The following MBLAC2 variants were observed in gnomAD, a reference collection of about 807,000 sequenced individuals.
MBLAC2 encodes acyl-coenzyme A thioesterase MBLAC2.
MBLAC2 carries 24 observed loss-of-function variants against 23.3 expected under a neutral mutation model. The observed-to-expected ratio is 1.03, with a 90% CI of 0.75 to 1.45. The LOEUF (loss-of-function observed/expected upper bound fraction) is 1.45. Ranked by LOEUF, MBLAC2 falls within the 40% of genes most tolerant of loss-of-function variation. The pLI, the probability that MBLAC2 is intolerant of heterozygous loss-of-function variation, is 0.00. For missense variants in MBLAC2, 358 were observed against 370.0 expected (o/e 0.97, Z 0.27); for synonymous variants, 162 against 150.9 (o/e 1.07, Z -0.54).
At chr5:90,461,808 A>C (rs1750373689) in intron 1 of MBLAC2, among the ~76,000 whole-genome samples, 1 of 152,216 alleles carries the variant, frequency 6.6e-6, no homozygotes, top group South Asian at 2.1e-4. Flanking sequence ...AATGAAAAGG[A>C]GGTAGTTCTG....
chr5:90,461,614 A>G, intron 1 of MBLAC2, 62 bp from the exon 2 acceptor site: 11 of 1,439,946 alleles, frequency 7.6e-6, no homozygotes, highest in Non-Finnish European at 1.0e-5. Context: ...CATGTAAAGC[A>G]TACTAGAGCA....
chr5:90,473,502 G>A (rs1750606347), intron 1 of MBLAC2: 12 of 585,992 alleles, frequency 2.0e-5, no homozygotes, highest in Middle Eastern at 4.4e-4. Context: ...AGGTGCTTAG[G>A]GAAAGAATGA....
intron 1 of MBLAC2, among the ~76,000 whole-genome samples, chr5:90,464,549 C>T (rs1750419183): frequency 6.6e-6 from 1 of 152,084 alleles, no homozygotes; most frequent in African/African-American, 2.4e-5. Flanking sequence ...GGCGCCATTG[C>T]ACTCCGGCCT....
chr5:90,461,694 T>C, intron 1 of MBLAC2, 142 bp from the exon 2 acceptor site: 1 of 882,226 alleles, frequency 1.1e-6, no homozygotes, highest in Non-Finnish European at 1.7e-6. Context: ...TTAATGATGA[T>C]TTAAAAATAA....
chr5:90,474,359 A>C lies in MBLAC2; in HGVS notation c.-67T>G. 1 of 1,422,316 alleles carries C rather than the reference A, an allele frequency of 7.0e-7. No individual in the cohort carries two copies. Among genetic ancestry groups the C allele is most frequent in the Non-Finnish European group, 9.8e-7 (1 of 1,018,274 alleles). The allele number at this position is 1,422,316 out of a possible 1,614,324, so 88.1% of individuals were successfully genotyped here. A position where few individuals can be genotyped will look rare whatever the true frequency, so the allele number is the denominator to read the frequency against. On this transcript the variant is annotated 5_prime_UTR_variant, in exon 1 of 2. Transcript: ENST00000316610. ...CGAGTCTCCCACAGGCTGTCCACAC[A>C]CAGGGCACTGCGGCTGTGTGAAGCG...
intron 1 of MBLAC2, among the ~76,000 whole-genome samples, chr5:90,464,586 C>T (rs1270684744): frequency 6.6e-6 from 1 of 150,642 alleles, no homozygotes; most frequent in East Asian, 1.9e-4. Flanking sequence ...CTCTTTCAAA[C>T]AAAACAAAAA....
chr5:90,471,287 C>G (rs1480212664), intron 1 of MBLAC2, among the ~76,000 whole-genome samples: 1 of 152,148 alleles, frequency 6.6e-6, no homozygotes, highest in East Asian at 1.9e-4. Context: ...AACCACTCCT[C>G]TGAGATAATA....
chr5:90,470,274 A>C (rs1750523025), intron 1 of MBLAC2, among the ~76,000 whole-genome samples: 1 of 152,184 alleles, frequency 6.6e-6, no homozygotes, highest in Non-Finnish European at 1.5e-5. Context: ...AAAAGAAGTA[A>C]GTTCCAGTGT....
At chr5:90,471,768 C>T (rs1287080817) in intron 1 of MBLAC2, 2 of 152,200 alleles carry the variant, frequency 1.3e-5, no homozygotes, top group African/African-American at 4.8e-5. Flanking sequence ...ATGTTAACAG[C>T]AAGTTAGCAG....
In MBLAC2 at chr5:90,460,127, G is replaced by T. The variant is rs952771459; in HGVS notation, c.*1040C>A. On this transcript the variant is annotated 3_prime_UTR_variant, in exon 2 of 2. Transcript: ENST00000316610. ...TATTCAAGACAAAGAATACTGAACAGGAATAGGTGTTGTGAATCAGGATAC... is the reference window on the plus strand; with the variant it reads ...TATTCAAGACAAAGAATACTGAACATGAATAGGTGTTGTGAATCAGGATAC... The T allele has an allele frequency of 6.6e-6, 1 of 152,502 alleles. No individual in the cohort carries two copies. The highest frequency in any genetic ancestry group is 2.4e-5 in the African/African-American group (1 of 41,412). 9.4% of individuals were successfully genotyped at this position (152,502 alleles called of 1,614,324 possible).
chr5:90,467,756 G>T (rs559260311), intron 1 of MBLAC2, among the ~76,000 whole-genome samples: 1,704 of 142,348 alleles, frequency 0.012, 43 homozygotes, highest in African/African-American at 0.044. Context: ...GGGGGGGGCG[G>T]TTTGTTTGTT....
chr5:90,471,203 T>C (rs956434921), intron 1 of MBLAC2, among the ~76,000 whole-genome samples: 1 of 152,174 alleles, frequency 6.6e-6, no homozygotes, highest in Non-Finnish European at 1.5e-5. Flanking sequence ...GAGAGCCAAA[T>C]TAGATGTGTC....
In MBLAC2 at chr5:90,470,512, T is replaced by C. The variant is rs553652231; in HGVS notation, c.454+3327A>G. On this transcript the variant is annotated intron_variant, in intron 1 of 1. Coordinates refer to ENST00000316610, the MANE Select transcript of MBLAC2 (RefSeq NM_203406.2). The stretch of plus-strand genomic sequence containing the variant: ...AAAGAAGGGGGGACAAGAAGGCTGC[T>C]TGCAGCACATGCATGGGGCCTGGTG... Among the ~76,000 whole-genome samples, 7 of 152,144 alleles carry C rather than the reference T, an allele frequency of 4.6e-5. No individual in the cohort carries two copies. In the South Asian group the frequency reaches 1.0e-3, roughly 22 times the overall value.
intron 1 of MBLAC2, among the ~76,000 whole-genome samples, chr5:90,470,784 AC>A (rs1323644044): frequency 1.0e-4 from 15 of 149,954 alleles, no homozygotes; most frequent in African/African-American, 2.2e-4. Context: ...ACACACACAC[AC>A]GCTTTCTTTC....
chr5:90,467,052 G>A (rs1206515547), intron 1 of MBLAC2, among the ~76,000 whole-genome samples: 6 of 152,152 alleles, frequency 3.9e-5, no homozygotes, highest in South Asian at 2.1e-4. Flanking sequence ...CAGGAGAATC[G>A]CTTGAACTTG....
chr5:90,460,868 C>A lies in MBLAC2; in HGVS notation c.*299G>T. 4.3e-6 allele frequency: 1 copy of A among 233,902 alleles called. No homozygotes were observed. The highest frequency in any genetic ancestry group is 8.3e-6 in the Non-Finnish European group (1 of 120,514). The allele number at this position is 233,902 out of a possible 1,614,324, so 14.5% of individuals were successfully genotyped here. On this transcript the variant is annotated 3_prime_UTR_variant, in exon 2 of 2. Coordinates refer to ENST00000316610, the MANE Select transcript of MBLAC2 (RefSeq NM_203406.2). ...AAAACAAGAAAAACAGAGGCAAGGG[C>A]AGTTCTCTTGCCACAAAATCTCTCT...
intron 1 of MBLAC2, chr5:90,472,503 C>CA (rs780102712): frequency 6.6e-6 from 1 of 151,292 alleles, no homozygotes; most frequent in Non-Finnish European, 1.5e-5. Flanking sequence ...CAGAATCTTG[C>CA]AATTTTTTTT....
Position 90,465,204 on chromosome 5 carries a change from C to G in MBLAC2, c.455-3652G>C, listed in dbSNP as rs1003488444. ...CTATATTTCTATATGCTTCAAGTAA[C>G]TATCAAAAATGAATTTTAAGACATT... is the stretch of plus-strand genomic sequence containing the variant. On this transcript the variant is annotated intron_variant, in intron 1 of 1. Coordinates refer to ENST00000316610, the MANE Select transcript of MBLAC2 (RefSeq NM_203406.2). Among the ~76,000 whole-genome samples the G allele has an allele frequency of 2.0e-5, 3 of 152,222 alleles. No homozygotes were observed. The East Asian group carries it at 5.8e-4, about 29-fold the overall frequency.
At chr5:90,463,892 T>C (rs2151891497) in intron 1 of MBLAC2, among the ~76,000 whole-genome samples, 1 of 152,062 alleles carries the variant, frequency 6.6e-6, no homozygotes, top group East Asian at 1.9e-4. Flanking sequence ...AAAATAGGAA[T>C]TAAAGAAGGA....
Sources: allele counts gnomAD v4.1 joint callset (sites outside exome capture counted in the v4.1 genomes callset), GRCh38; gene constraint gnomAD v4.1.1; transcripts MANE v1.5; gene names NCBI Gene and HGNC (gene_info 2026-07-23, HGNC 2026-07-21).